Variants in LINGO2 observed in about 807,000 individuals in gnomAD.
LINGO2 encodes the protein leucine rich repeat and Ig domain containing 2, also known as leucine-rich repeat and immunoglobulin-like domain-containing nogo receptor-interacting protein 2.
A neutral mutation model predicts 30.6 loss-of-function variants in LINGO2; 14 were observed. The observed-to-expected ratio is 0.46, with a 90% confidence interval of 0.30 to 0.72. LINGO2 has a LOEUF of 0.72. Ranked by LOEUF, LINGO2 falls within the 30% of genes least tolerant of loss-of-function variation. LINGO2 has a pLI of 0.07. For synonymous variants in LINGO2, 317 were observed against 288.5 expected (o/e 1.10, Z -1.00); for missense variants, 729 against 751.7 (o/e 0.97, Z 0.35).
intron 4 of LINGO2, among the ~76,000 whole-genome samples, chr9:28,105,775 C>T (rs7048614): frequency 0.084 from 12,739 of 152,136 alleles, 1,016 homozygotes; most frequent in African/African-American, 0.21. Flanking sequence ...AGAAAGGCCA[C>T]GTGAGGACAC....
chr9:28,489,183 G>T (rs17773989), intron 1 of LINGO2, among the ~76,000 whole-genome samples: 25,865 of 152,096 alleles, frequency 0.17, 2,536 homozygotes, highest in Non-Finnish European at 0.21. Flanking sequence ...AAATGATCAT[G>T]ATATCACACT....
intron 5 of LINGO2, among the ~76,000 whole-genome samples, chr9:27,985,339 C>CA (rs1371720726): frequency 6.6e-6 from 1 of 151,914 alleles, no homozygotes; most frequent in Non-Finnish European, 1.5e-5. Flanking sequence ...AACAAGGCAT[C>CA]AAACATAAAA....
chr9:28,280,573 A>G (rs960983103), intron 4 of LINGO2, among the ~76,000 whole-genome samples: 8 of 152,272 alleles, frequency 5.3e-5, no homozygotes, highest in Admixed American at 4.6e-4. Context: ...GTTCCATTTA[A>G]GACAATGTCC....
intron 4 of LINGO2, among the ~76,000 whole-genome samples, chr9:28,263,138 G>A (rs534060328): frequency 5.7e-4 from 86 of 151,966 alleles, no homozygotes; most frequent in African/African-American, 2.1e-3. Context: ...TGTGAGGACC[G>A]AGACCCATTC....
At chr9:29,047,560 G>C in the LINGO2 span, among the ~76,000 whole-genome samples, 1 of 152,008 alleles carries the variant, frequency 6.6e-6, no homozygotes, top group Non-Finnish European at 1.5e-5. Flanking sequence ...TCTAAGATTT[G>C]GAAGACGACA....
chr9:28,001,603 A>AT (rs1466250773), intron 5 of LINGO2, among the ~76,000 whole-genome samples: 5 of 152,098 alleles, frequency 3.3e-5, no homozygotes, highest in African/African-American at 1.2e-4. Flanking sequence ...CTTTTCCTAT[A>AT]TTGTTGCAAG....
At chr9:28,640,413 T>C (rs1168219019) in intron 1 of LINGO2, among the ~76,000 whole-genome samples, 1 of 152,116 alleles carries the variant, frequency 6.6e-6, no homozygotes, top group Non-Finnish European at 1.5e-5. Flanking sequence ...TCCTGCAGAG[T>C]GTTTTCCAAC....
At chr9:28,503,217 T>G (rs919134564) in intron 1 of LINGO2, among the ~76,000 whole-genome samples, 8 of 152,046 alleles carry the variant, frequency 5.3e-5, no homozygotes, top group South Asian at 2.1e-4. Context: ...TTAGTAACTC[T>G]TTAGAAAGCC....
intron 3 of LINGO2, among the ~76,000 whole-genome samples, chr9:28,358,432 C>T (rs1263921945): frequency 2.0e-5 from 3 of 152,030 alleles, no homozygotes; most frequent in Non-Finnish European, 4.4e-5. Context: ...ATTGATCAGT[C>T]ACAAATGGAG....
chr9:28,043,828 G>T (rs1824299121), intron 4 of LINGO2, among the ~76,000 whole-genome samples: 1 of 152,070 alleles, frequency 6.6e-6, no homozygotes, highest in African/African-American at 2.4e-5. Flanking sequence ...TTAAAAGCCT[G>T]ATAGCTACAA....
chr9:28,889,282 A>T, the LINGO2 span, among the ~76,000 whole-genome samples: 1 of 152,100 alleles, frequency 6.6e-6, no homozygotes, highest in African/African-American at 2.4e-5. Flanking sequence ...TCAGTCTCCA[A>T]TGCCAAATGA....
the LINGO2 span, among the ~76,000 whole-genome samples, chr9:29,042,300 T>C: frequency 1.3e-5 from 2 of 151,928 alleles, no homozygotes; most frequent in African/African-American, 4.8e-5. Context: ...CTTCTGAAAT[T>C]TAACATGCAA....
rs142554351 is a variant in LINGO2, at chr9:28,247,484, C to G, written c.-87+47724G>C. ...TGAAGCTGGAAGTCATCATACTCAG[C>G]AAACTAACACAGGAACAGAAAACCA... On this transcript the variant is annotated intron_variant, in intron 4 of 5. Transcript: ENST00000379992. Among the ~76,000 whole-genome samples, 953 of 152,202 alleles carry G rather than the reference C, an allele frequency of 6.3e-3. 15 individuals carry two copies. The highest frequency in any genetic ancestry group is 0.021 in the African/African-American group (884 of 41,516).
chr9:29,110,393 T>C, the LINGO2 span, among the ~76,000 whole-genome samples: 35,590 of 151,816 alleles, frequency 0.23, 4,288 homozygotes, highest in East Asian at 0.4. Context: ...AGTGCAGTGA[T>C]TCGATCTCGG....
At chr9:28,182,262 T>C (rs569228160) in intron 4 of LINGO2, among the ~76,000 whole-genome samples, 1 of 152,330 alleles carries the variant, frequency 6.6e-6, no homozygotes, top group South Asian at 2.1e-4. Context: ...ACTAGCCATA[T>C]GCAGAAAACT....
At chr9:28,648,450 A>G (rs2135961293) in intron 1 of LINGO2, among the ~76,000 whole-genome samples, 1 of 152,258 alleles carries the variant, frequency 6.6e-6, no homozygotes, top group East Asian at 1.9e-4. Context: ...AGCACTTAAT[A>G]TAGTCCAGTG....
the LINGO2 span, among the ~76,000 whole-genome samples, chr9:29,180,209 C>A: frequency 6.6e-6 from 1 of 152,172 alleles, no homozygotes; most frequent in Non-Finnish European, 1.5e-5. Flanking sequence ...ACAAGAATAT[C>A]TGGTAGATTT....
At chr9:28,339,589 T>C (rs1397560939) in intron 3 of LINGO2, among the ~76,000 whole-genome samples, 2 of 152,164 alleles carry the variant, frequency 1.3e-5, no homozygotes, top group Non-Finnish European at 2.9e-5. Flanking sequence ...TTTCTGAACC[T>C]AACTTAAATT....
At chr9:28,509,210 C>G (rs1438297140) in intron 1 of LINGO2, among the ~76,000 whole-genome samples, 1 of 152,170 alleles carries the variant, frequency 6.6e-6, no homozygotes, top group Non-Finnish European at 1.5e-5. Context: ...ATTCTAAAAA[C>G]TGAGTGTGGC....
Sources: allele counts gnomAD v4.1 joint callset (sites outside exome capture counted in the v4.1 genomes callset), GRCh38; gene constraint gnomAD v4.1.1; transcripts MANE v1.5; gene names NCBI Gene and HGNC (gene_info 2026-07-23, HGNC 2026-07-21).